PDE11A: variants seen among roughly 807,000 people sequenced by gnomAD.
PDE11A encodes the protein phosphodiesterase 11A.
PDE11A carries 100 observed loss-of-function variants against 100.5 expected under a neutral mutation model. That is an observed-to-expected ratio of 1.00 (90% CI 0.85 to 1.18). The LOEUF is 1.18. PDE11A is among the 50% of genes most tolerant of loss of function. PDE11A has a pLI of 0.00. For missense variants in PDE11A, 1,141 were observed against 1,152.6 expected (o/e 0.99, Z 0.15); for synonymous variants, 381 against 420.8 (o/e 0.91, Z 1.16).
At chr2:177,893,956 G>T (rs2084570836) in intron 4 of PDE11A, among the ~76,000 whole-genome samples, 1 of 152,160 alleles carries the variant, frequency 6.6e-6, no homozygotes, top group Admixed American at 6.5e-5. Flanking sequence ...TAGATTAGAA[G>T]GGTGGTCATT....
At chr2:177,646,415 T>C (rs2080224246) in intron 19 of PDE11A, among the ~76,000 whole-genome samples, 8 of 152,228 alleles carry the variant, frequency 5.3e-5, no homozygotes, top group Admixed American at 5.2e-4. Flanking sequence ...TTGGAGTTCT[T>C]CATATGTGAC....
At chr2:177,996,343 A>G (rs546817270) in intron 2 of PDE11A, among the ~76,000 whole-genome samples, 1 of 151,920 alleles carries the variant, frequency 6.6e-6, no homozygotes, top group African/African-American at 2.4e-5. Context: ...GGGAGTAAAA[A>G]CCTAAATAAC....
chr2:177,661,691 T>C (rs2080487276), intron 19 of PDE11A, among the ~76,000 whole-genome samples: 1 of 152,162 alleles, frequency 6.6e-6, no homozygotes, highest in Non-Finnish European at 1.5e-5. Flanking sequence ...TACTTAGTGA[T>C]GACAAGGAAT....
chr2:177,680,675 T>C (rs2886423), intron 16 of PDE11A, 151 bp downstream of exon 16: 412,655 of 494,740 alleles, frequency 0.83, 172,445 homozygotes, highest in Admixed American at 0.87. Context: ...AGTAATTTCT[T>C]TAATTATTCA....
At chr2:177,743,309 C>T (rs1321677441) in intron 10 of PDE11A, among the ~76,000 whole-genome samples, 1 of 152,162 alleles carries the variant, frequency 6.6e-6, no homozygotes, top group Non-Finnish European at 1.5e-5. Context: ...AAATACTGCT[C>T]TCTTGGTTTC....
intron 19 of PDE11A, among the ~76,000 whole-genome samples, chr2:177,650,035 A>G (rs1375006901): frequency 6.6e-6 from 1 of 152,242 alleles, no homozygotes; most frequent in East Asian, 1.9e-4. Context: ...CTTTACCACC[A>G]TAATTCAAAA....
intron 10 of PDE11A, among the ~76,000 whole-genome samples, chr2:177,748,267 C>T (rs2081981145): frequency 6.6e-6 from 1 of 152,134 alleles, no homozygotes; most frequent in South Asian, 2.1e-4. Flanking sequence ...CATTTTGCCT[C>T]CATGAGGATG....
intron 5 of PDE11A, among the ~76,000 whole-genome samples, chr2:177,852,823 A>G (rs1333699891): frequency 6.6e-6 from 1 of 152,168 alleles, no homozygotes; most frequent in Non-Finnish European, 1.5e-5. Context: ...GAGTTCCTAA[A>G]TTTATCATGA....
intron 9 of PDE11A, among the ~76,000 whole-genome samples, chr2:177,796,893 G>A (rs150371409): frequency 6.6e-6 from 1 of 152,204 alleles, no homozygotes; most frequent in Non-Finnish European, 1.5e-5. Flanking sequence ...TGAGCTGCTG[G>A]AGCCCAACAG....
chr2:177,952,368 C>T (rs531211970), intron 2 of PDE11A, among the ~76,000 whole-genome samples: 65 of 152,284 alleles, frequency 4.3e-4, no homozygotes, highest in African/African-American at 1.5e-3. Context: ...TTTGATTGCA[C>T]TGTAAATCAA....
chr2:177,793,625 G>A (rs994189323), intron 9 of PDE11A, among the ~76,000 whole-genome samples: 5 of 151,502 alleles, frequency 3.3e-5, no homozygotes, highest in South Asian at 2.1e-4. Flanking sequence ...CCCGGTCCCT[G>A]AAGGAAGGAG....
chr2:177,859,751 C>T (rs1558977899), intron 5 of PDE11A, among the ~76,000 whole-genome samples: 1 of 150,674 alleles, frequency 6.6e-6, no homozygotes, highest in Non-Finnish European at 1.5e-5. Flanking sequence ...TAAGAGGGCT[C>T]ATATGATAAA....
intron 4 of PDE11A, among the ~76,000 whole-genome samples, chr2:177,882,388 C>G (rs1558989939): frequency 6.6e-6 from 1 of 152,002 alleles, no homozygotes; most frequent in Non-Finnish European, 1.5e-5. Context: ...AAATTATGAC[C>G]AATACCAAAT....
intron 2 of PDE11A, among the ~76,000 whole-genome samples, chr2:178,095,922 C>T (rs2087482811): frequency 6.6e-6 from 1 of 152,140 alleles, no homozygotes; most frequent in Non-Finnish European, 1.5e-5. Flanking sequence ...GGCACCAAAT[C>T]CCAAGGATGC....
Position 178,033,874 on chromosome 2 carries a change from C to T in PDE11A, c.913-19414G>A, listed in dbSNP as rs1000717195. Among the ~76,000 whole-genome samples, 3 of 152,144 alleles carry T rather than the reference C, an allele frequency of 2.0e-5. No homozygotes were observed. In the East Asian group the frequency reaches 5.8e-4, roughly 29 times the overall value. On this transcript the variant is annotated intron_variant, in intron 1 of 19. Coordinates refer to ENST00000286063, the MANE Select transcript of PDE11A (RefSeq NM_016953.4). ...AGGGATTTTGTCACCACAAAGCCTG[C>T]CTTACAAGACCCCTGAAGGAAGCAC...
intron 9 of PDE11A, among the ~76,000 whole-genome samples, chr2:177,779,599 G>T (rs1412541313): frequency 6.6e-6 from 1 of 152,160 alleles, no homozygotes; most frequent in Non-Finnish European, 1.5e-5. Flanking sequence ...CACTTTCTTT[G>T]TTCATTTATG....
At chr2:177,655,183 A>G (rs12619453) in intron 19 of PDE11A, among the ~76,000 whole-genome samples, 6,601 of 152,296 alleles carry the variant, frequency 0.043, 147 homozygotes, top group East Asian at 0.082. Flanking sequence ...ATATGGATTC[A>G]TGGCACTGTT....
At chr2:178,064,587 G>A (rs1284733295) in intron 1 of PDE11A, among the ~76,000 whole-genome samples, 1 of 151,788 alleles carries the variant, frequency 6.6e-6, no homozygotes, top group Non-Finnish European at 1.5e-5. Flanking sequence ...CTCAAAGTTA[G>A]TACTCCATAA....
At chr2:177,887,787 C>A (rs1290783446) in intron 4 of PDE11A, among the ~76,000 whole-genome samples, 1 of 152,178 alleles carries the variant, frequency 6.6e-6, no homozygotes, top group Non-Finnish European at 1.5e-5. Context: ...AAGGATTTTG[C>A]TCCCTGAGAG....
Sources: allele counts gnomAD v4.1 joint callset (sites outside exome capture counted in the v4.1 genomes callset), GRCh38; gene constraint gnomAD v4.1.1; transcripts MANE v1.5; gene names NCBI Gene and HGNC (gene_info 2026-07-23, HGNC 2026-07-21).